ALDH1A2: variants seen among roughly 807,000 people sequenced by gnomAD.
ALDH1A2 encodes retinal dehydrogenase 2.
ALDH1A2 carries 27 observed loss-of-function variants against 60.3 expected under a neutral mutation model. That is an observed-to-expected ratio of 0.45 (90% CI 0.33 to 0.62). ALDH1A2 has a LOEUF of 0.62. ALDH1A2 is among the 20% of genes least tolerant of loss of function. ALDH1A2 has a pLI of 0.02. For missense variants in ALDH1A2, 581 were observed against 643.8 expected, an observed-to-expected ratio of 0.90 and a Z score of 1.06; for synonymous variants, 289 against 232.4, an observed-to-expected ratio of 1.24 and a Z score of -2.21.
chr15:57,961,398 T>G (rs1190242324), intron 10 of ALDH1A2, 104 bp from the exon 11 acceptor site: 2 of 1,399,786 alleles, frequency 1.4e-6, no homozygotes, highest in East Asian at 4.8e-5. Context: ...TAAATGACCT[T>G]TAAGTTTAGC....
chr15:58,064,380 T>G (rs1162684325), intron 1 of ALDH1A2, among the ~76,000 whole-genome samples: 1 of 152,212 alleles, frequency 6.6e-6, no homozygotes, highest in Non-Finnish European at 1.5e-5. Flanking sequence ...CGCCCTGATT[T>G]GTAACCTAAA....
At position 57,980,119 on chromosome 15, in the gene ALDH1A2, G is replaced by A. The variant is rs1481211179; in HGVS notation, c.798+12586C>T. 10 of 296,850 alleles carry A rather than the reference G, an allele frequency of 3.4e-5. No homozygotes were observed. The Admixed American group carries it at 4.1e-4, about 12-fold the overall frequency. 18.4% of individuals were successfully genotyped at this position (296,850 alleles called of 1,614,324 possible). A position where few individuals can be genotyped will look rare whatever the true frequency, so the allele number is the denominator to read the frequency against. On this transcript the variant is annotated intron_variant, in intron 7 of 12. Coordinates refer to ENST00000249750, the MANE Select transcript of ALDH1A2 (RefSeq NM_003888.4). ...CATACACGGTCATGCCCAACTGGCT[G>A]GTACATTTGTTGGTGCCCATTTGCA...
chr15:58,042,560 T>C (rs565685679), intron 1 of ALDH1A2, among the ~76,000 whole-genome samples: 1 of 151,952 alleles, frequency 6.6e-6, no homozygotes, highest in African/African-American at 2.4e-5. Context: ...ATTCCAGGAG[T>C]CAAGTTTCTT....
At chr15:57,956,160 A>C (rs1893518041) in intron 12 of ALDH1A2, among the ~76,000 whole-genome samples, 1 of 152,168 alleles carries the variant, frequency 6.6e-6, no homozygotes, top group African/African-American at 2.4e-5. Context: ...GGTATAGCCT[A>C]CAACAGCAGG....
chr15:58,025,123 G>A (rs371096612), intron 1 of ALDH1A2, among the ~76,000 whole-genome samples: 17 of 152,114 alleles, frequency 1.1e-4, no homozygotes, highest in Admixed American at 6.5e-4. Context: ...TGTACCTTGA[G>A]AAACTAGAAA....
chr15:57,990,307 G>A (rs535476983), intron 7 of ALDH1A2: 1 of 152,262 alleles, frequency 6.6e-6, no homozygotes, highest in East Asian at 1.9e-4. Flanking sequence ...ATATACGTGT[G>A]TGTATACGTA....
At chr15:58,041,006 AC>A (rs757223245) in intron 1 of ALDH1A2, among the ~76,000 whole-genome samples, 40 of 151,912 alleles carry the variant, frequency 2.6e-4, no homozygotes, top group Non-Finnish European at 4.9e-4. Flanking sequence ...AGTCCTAGAT[AC>A]TAGTATGTGA....
intron 4 of ALDH1A2, among the ~76,000 whole-genome samples, chr15:58,003,098 A>T (rs1181065531): frequency 6.6e-6 from 1 of 151,892 alleles, no homozygotes; most frequent in Non-Finnish European, 1.5e-5. Flanking sequence ...CCACTACATG[A>T]TCGTAACAAA....
chr15:58,015,352 T>C (rs1248262573), intron 1 of ALDH1A2, among the ~76,000 whole-genome samples: 1 of 152,192 alleles, frequency 6.6e-6, no homozygotes, highest in Non-Finnish European at 1.5e-5. Context: ...ATGTTTTCCT[T>C]GATTTGATAA....
At chr15:58,052,534 C>T (rs1896802436) in intron 1 of ALDH1A2, among the ~76,000 whole-genome samples, 1 of 151,982 alleles carries the variant, frequency 6.6e-6, no homozygotes, top group Non-Finnish European at 1.5e-5. Context: ...GGCGCAATCT[C>T]GGCTCAGTGC....
At chr15:57,997,381 G>T (rs1350523351) in intron 4 of ALDH1A2, among the ~76,000 whole-genome samples, 1 of 151,986 alleles carries the variant, frequency 6.6e-6, no homozygotes, top group African/African-American at 2.4e-5. Flanking sequence ...TTCTGCAACT[G>T]AACTCTCTAA....
At chr15:58,026,094 A>G (rs1453473147) in intron 1 of ALDH1A2, among the ~76,000 whole-genome samples, 1 of 152,186 alleles carries the variant, frequency 6.6e-6, no homozygotes, top group African/African-American at 2.4e-5. Context: ...GCATCACCCT[A>G]ATACCAAAAT....
rs1596064714 is a variant in ALDH1A2 at position 57,961,230 on chromosome 15, T to C, written c.1316A>G (p.Asn439Ser). 1.2e-6 allele frequency: 2 copies of C among 1,614,162 alleles called. No individual in the cohort carries two copies. The highest frequency in any genetic ancestry group is 8.5e-7 in the Non-Finnish European group (1 of 1,180,014). ...KTMDEVIERA[N>S]NSDFGLVAAV... ...TGCTACGAGTCCAAAGTCTGAGTTATTGGCTCTTTCGATAACTTCATCCAT... is the reference window on the plus strand; with the variant it reads ...TGCTACGAGTCCAAAGTCTGAGTTACTGGCTCTTTCGATAACTTCATCCAT... The change falls in exon 11 of 13, where the codon AAT becomes AGT. Residue 439 changes from asparagine (N) to serine (S), a missense_variant. By Grantham distance (46) the Asn-to-Ser change is conservative. This residue lies in a region of ALDH1A2 where 375 missense variants were observed against 469.7 expected (regional missense o/e 0.80). Transcript: ENST00000249750.
At chr15:58,012,394 A>C (rs1472898695) in intron 3 of ALDH1A2, among the ~76,000 whole-genome samples, 1 of 152,228 alleles carries the variant, frequency 6.6e-6, no homozygotes, top group African/African-American at 2.4e-5. Context: ...ATTCTCAAGA[A>C]AATGATAATC....
chr15:57,956,687 C>T (rs1893537425), intron 12 of ALDH1A2, among the ~76,000 whole-genome samples: 1 of 152,212 alleles, frequency 6.6e-6, no homozygotes, highest in Non-Finnish European at 1.5e-5. Flanking sequence ...TCTTTATTAC[C>T]AGCTCAGCTC....
intron 7 of ALDH1A2, among the ~76,000 whole-genome samples, chr15:57,975,747 T>C (rs1894229578): frequency 6.6e-6 from 1 of 152,014 alleles, no homozygotes; most frequent in Non-Finnish European, 1.5e-5. Flanking sequence ...ATATACTATA[T>C]GTTGCCATTT....
intron 4 of ALDH1A2, among the ~76,000 whole-genome samples, chr15:57,999,737 C>A (rs1157977037): frequency 2.0e-5 from 3 of 151,990 alleles, no homozygotes; most frequent in African/African-American, 7.2e-5. Flanking sequence ...GAATATAAAT[C>A]ATTCTGTTAT....
intron 7 of ALDH1A2, among the ~76,000 whole-genome samples, chr15:57,972,323 C>CAGTT (rs1431668632): frequency 1.3e-5 from 2 of 152,174 alleles, no homozygotes; most frequent in Non-Finnish European, 2.9e-5. Context: ...AGCATTTTGA[C>CAGTT]AGTTAAATGC....
intron 4 of ALDH1A2, among the ~76,000 whole-genome samples, chr15:57,998,243 A>T (rs1294627305): frequency 6.6e-6 from 1 of 152,084 alleles, no homozygotes; most frequent in African/African-American, 2.4e-5. Flanking sequence ...TTCAAATAGG[A>T]AGAGAGAAAG....
Sources: gnomAD v4.1 joint callset for allele counts (sites outside exome capture counted in the v4.1 genomes callset) on GRCh38, gnomAD v4.1.1 for gene constraint, gnomAD v4.1.1 regional missense constraint, MANE v1.5 for transcripts, NCBI Gene and HGNC (gene_info 2026-07-23, HGNC 2026-07-21) for gene names.